Variants in PDE6D observed in about 807,000 individuals in gnomAD.
PDE6D encodes the protein phosphodiesterase 6D.
A neutral mutation model predicts 21.9 loss-of-function variants in PDE6D; 10 were observed. That is an observed-to-expected ratio of 0.46 (90% CI 0.28 to 0.78). PDE6D has a LOEUF of 0.78. PDE6D is among the 30% of genes least tolerant of loss of function. PDE6D has a pLI of 0.12. For missense variants in PDE6D, 139 were observed against 184.8 expected (o/e 0.75, Z 1.44); for synonymous variants, 59 against 63.5 (o/e 0.93, Z 0.34).
At chr2:231,744,137 G>A (rs977908279) in intron 1 of PDE6D, among the ~76,000 whole-genome samples, 2 of 152,168 alleles carry the variant, frequency 1.3e-5, no homozygotes, top group Admixed American at 6.5e-5. Context: ...GAAAAGTCCC[G>A]GAGGGTCCCT....
chr2:231,763,883 C>T (rs1043000246), intron 1 of PDE6D, among the ~76,000 whole-genome samples: 1 of 151,786 alleles, frequency 6.6e-6, no homozygotes, highest in Middle Eastern at 3.4e-3. Flanking sequence ...AAGTGATCCT[C>T]CCACTCTGGC....
Position 231,737,218 on chromosome 2 carries a change from C to T in PDE6D, c.340G>A (p.Glu114Lys), listed in dbSNP as rs765932508. The change falls in exon 4 of 5, where the codon GAG (glutamate) becomes AAG (lysine). Residue 114 changes from glutamate (E) to lysine (K), a missense_variant. Coordinates refer to ENST00000287600, the MANE Select transcript of PDE6D (RefSeq NM_002601.4). ...ACGCTTGCTGGCATCATCTGGGACT[C>T]GGGTGCTGCCTCTATCAAGGACTGC... The part of the protein sequence containing the change: ...TWQSLIEAAP[E>K]SQMMPASVLT... 1.9e-6 allele frequency: 3 copies of T among 1,611,544 alleles called. No homozygotes were observed. The highest frequency in any genetic ancestry group is 1.1e-5 in the South Asian group (1 of 91,024).
At chr2:231,754,357 CTTTT>C (rs1032135919) in intron 1 of PDE6D, among the ~76,000 whole-genome samples, 1 of 132,660 alleles carries the variant, frequency 7.5e-6, no homozygotes, top group Non-Finnish European at 1.6e-5. Context: ...TGGCTTTTGT[CTTTT>C]TTTTTTTTTT....
intron 1 of PDE6D, among the ~76,000 whole-genome samples, chr2:231,740,931 G>C (rs981252575): frequency 6.6e-6 from 1 of 151,436 alleles, no homozygotes; most frequent in Non-Finnish European, 1.5e-5. Flanking sequence ...CTGAAGTCGG[G>C]AGTTCGAGAC....
intron 1 of PDE6D, among the ~76,000 whole-genome samples, chr2:231,772,003 C>T (rs979895004): frequency 6.6e-6 from 1 of 152,152 alleles, no homozygotes; most frequent in African/African-American, 2.4e-5. Flanking sequence ...TGGAAAATGT[C>T]TTTTTTCAGG....
chr2:231,777,179 G>C (rs1204876612), intron 1 of PDE6D, among the ~76,000 whole-genome samples: 2 of 152,180 alleles, frequency 1.3e-5, no homozygotes, highest in East Asian at 1.9e-4. Context: ...CAGATACTCT[G>C]AAAGAGGTAG....
Position 231,739,400 on chromosome 2 carries a change from G to A in PDE6D, c.51-212C>T. The A allele has an allele frequency of 1.5e-6, 1 of 665,022 alleles. No individual in the cohort carries two copies. The highest frequency in any genetic ancestry group is 1.8e-5 in the African/African-American group (1 of 56,636). The allele number at this position is 665,022 out of a possible 1,614,324, so 41.2% of individuals were successfully genotyped here. On this transcript the variant is annotated intron_variant, in intron 1 of 4. Transcript: ENST00000287600. The surrounding 1 kb of genome is among the most constrained non-coding windows in gnomAD (Gnocchi z 4.2). ...ACCTAGAGAAGTTACTTTTATCTAT[G>A]AGAATCCTAAGACTGCACACACCTA...
chr2:231,742,759 A>G (rs2048760523), intron 1 of PDE6D, among the ~76,000 whole-genome samples: 1 of 152,166 alleles, frequency 6.6e-6, no homozygotes, highest in African/African-American at 2.4e-5. Context: ...TTTGCACTAC[A>G]GCAGCTAGAA....
intron 3 of PDE6D, 175 bp from the exon 4 acceptor site, chr2:231,737,467 C>T (rs1559308222): frequency 5.6e-6 from 3 of 538,234 alleles, no homozygotes; most frequent in Non-Finnish European, 3.3e-6. Flanking sequence ...TCAGGTTGTC[C>T]TCTGAACCAC....
chr2:231,771,407 C>T (rs1028285909), intron 1 of PDE6D, among the ~76,000 whole-genome samples: 3 of 152,198 alleles, frequency 2.0e-5, no homozygotes, highest in Non-Finnish European at 2.9e-5. Context: ...GTTCTGCCTT[C>T]GTCTAAGTGA....
At chr2:231,746,545 T>C (rs11886088) in intron 1 of PDE6D, among the ~76,000 whole-genome samples, 1 of 152,122 alleles carries the variant, frequency 6.6e-6, no homozygotes, top group East Asian at 1.9e-4. Flanking sequence ...GTAACAATCA[T>C]CTATGAGTAT....
chr2:231,780,888 G>A (rs1168232519), intron 1 of PDE6D, among the ~76,000 whole-genome samples, 177 bp downstream of exon 1: 1 of 152,194 alleles, frequency 6.6e-6, no homozygotes, highest in Non-Finnish European at 1.5e-5. Context: ...GACGCCCCTT[G>A]GGGCGCCTCT....
intron 1 of PDE6D, among the ~76,000 whole-genome samples, chr2:231,766,993 CAAA>C (rs3038045): frequency 2.7e-5 from 1 of 36,668 alleles, no homozygotes; most frequent in Non-Finnish European, 5.0e-5. Context: ...GACTCCGTCT[CAAA>C]AAAAAAAAAA....
At chr2:231,753,646 C>T (rs1459862599) in intron 1 of PDE6D, among the ~76,000 whole-genome samples, 3 of 151,910 alleles carry the variant, frequency 2.0e-5, no homozygotes, top group African/African-American at 7.2e-5. Flanking sequence ...CTAGCTTTCA[C>T]ATAGATGAGC....
intron 1 of PDE6D, among the ~76,000 whole-genome samples, chr2:231,743,558 G>A (rs748243740): frequency 1.1e-4 from 16 of 151,858 alleles, no homozygotes; most frequent in Non-Finnish European, 2.1e-4. Context: ...CTGCATGAAT[G>A]TACTGTCGCT....
At chr2:231,749,432 G>C (rs1035778458) in intron 1 of PDE6D, among the ~76,000 whole-genome samples, 4 of 150,930 alleles carry the variant, frequency 2.7e-5, no homozygotes, top group Non-Finnish European at 5.9e-5. Flanking sequence ...GAAATAACTA[G>C]TTTGCTTTTG....
At chr2:231,744,894 C>T (rs1365386007) in intron 1 of PDE6D, among the ~76,000 whole-genome samples, 2 of 152,158 alleles carry the variant, frequency 1.3e-5, no homozygotes, top group African/African-American at 2.4e-5. Flanking sequence ...AATCCTTGCA[C>T]ATTTTAATCC....
At chr2:231,779,938 T>G (rs949964593) in intron 1 of PDE6D, among the ~76,000 whole-genome samples, 6 of 152,234 alleles carry the variant, frequency 3.9e-5, no homozygotes, top group Non-Finnish European at 5.9e-5. Context: ...AACAGTGCTT[T>G]ACTAAACCTC....
chr2:231,733,123 C>T (rs2048665490), intron 4 of PDE6D, 90 bp from the exon 5 acceptor site: 4 of 904,044 alleles, frequency 4.4e-6, no homozygotes, highest in Admixed American at 3.7e-5. Flanking sequence ...CATCTGGATT[C>T]CTGGGCCAAT....
Sources: allele counts gnomAD v4.1 joint callset (sites outside exome capture counted in the v4.1 genomes callset), GRCh38; gene constraint gnomAD v4.1.1; non-coding constraint Gnocchi (gnomAD v3.1); transcripts MANE v1.5; gene names NCBI Gene and HGNC (gene_info 2026-07-23, HGNC 2026-07-21).